The following CDC42EP3 variants were observed in gnomAD, a reference collection of about 807,000 sequenced individuals.
CDC42EP3 encodes CDC42 effector protein (Rho GTPase binding) 3.
In CDC42EP3, 4 loss-of-function variants were observed where a neutral mutation model predicts 15.5. The observed-to-expected ratio is 0.26, with a 90% confidence interval of 0.13 to 0.59. CDC42EP3 has a LOEUF of 0.59. Among genes scored for constraint, CDC42EP3 ranks in the 20% least tolerant of loss-of-function variants. CDC42EP3 has a pLI of 0.89. For synonymous variants in CDC42EP3, 145 were observed against 130.3 expected (o/e 1.11, Z -0.77); for missense variants, 309 against 311.2 (o/e 0.99, Z 0.05).
Position 37,664,050 on chromosome 2 carries a change from T to C in CDC42EP3, c.-236+7376A>G, listed in dbSNP as rs1374267934. On this transcript the variant is annotated intron_variant, in intron 1 of 1. Coordinates refer to ENST00000295324, the MANE Select transcript of CDC42EP3 (RefSeq NM_006449.5). ...TTAGCCGGTCGTTGTGGAGGGTGCCTGTAGTCCCAGCTACTTGGGAGGCTG... is the reference window on the plus strand; with the variant it reads ...TTAGCCGGTCGTTGTGGAGGGTGCCCGTAGTCCCAGCTACTTGGGAGGCTG... Among the ~76,000 whole-genome samples the C allele has an allele frequency of 2.0e-5, 3 of 152,270 alleles. No individual in the cohort carries two copies. In the East Asian group the frequency reaches 5.8e-4, roughly 29 times the overall value.
intron 1 of CDC42EP3, among the ~76,000 whole-genome samples, chr2:37,663,087 C>T (rs1228582632): frequency 6.6e-6 from 1 of 152,216 alleles, no homozygotes; most frequent in Non-Finnish European, 1.5e-5. Context: ...ATCTCTTGAA[C>T]CCGGGAGGCA....
intron 1 of CDC42EP3, among the ~76,000 whole-genome samples, chr2:37,665,398 T>C (rs1666219567): frequency 6.6e-6 from 1 of 152,142 alleles, no homozygotes; most frequent in South Asian, 2.1e-4. Context: ...GCCAAAGGCT[T>C]AGAGCCTCAT....
upstream of CDC42EP3, chr2:37,671,661 C>T (rs1666425865): frequency 6.6e-6 from 1 of 151,446 alleles, no homozygotes; most frequent in Non-Finnish European, 1.5e-5. Context: ...GGCGGCCGGA[C>T]GCGAGGACTG....
intron 1 of CDC42EP3, among the ~76,000 whole-genome samples, chr2:37,671,211 C>A (rs1040919862): frequency 1.3e-5 from 2 of 152,256 alleles, no homozygotes; most frequent in South Asian, 4.1e-4. Flanking sequence ...TGGTGGAGCT[C>A]TGAGTCCTGG....
At chr2:37,660,670 C>T (rs1666029750) in intron 1 of CDC42EP3, among the ~76,000 whole-genome samples, 1 of 151,840 alleles carries the variant, frequency 6.6e-6, no homozygotes, top group African/African-American at 2.4e-5. Flanking sequence ...TTTTAAGTTA[C>T]TTTGGTTTTA....
At chr2:37,669,730 T>C (rs1365983176) in intron 1 of CDC42EP3, among the ~76,000 whole-genome samples, 1 of 152,244 alleles carries the variant, frequency 6.6e-6, no homozygotes, top group Non-Finnish European at 1.5e-5. Context: ...ATTTCTCCTC[T>C]AAAGTTCTTA....
chr2:37,671,832 ACCGTTGGAC>A, upstream of CDC42EP3: 1 of 141,788 alleles, frequency 7.1e-6, no homozygotes, highest in South Asian at 2.1e-4. Flanking sequence ...GGGGGGGGTC[ACCGTTGGAC>A]CCTCGGAGGA....
intron 1 of CDC42EP3, among the ~76,000 whole-genome samples, chr2:37,654,251 G>A (rs1054952902): frequency 2.0e-5 from 3 of 152,104 alleles, no homozygotes; most frequent in African/African-American, 4.8e-5. Flanking sequence ...ATTTAGAAGG[G>A]ATAAAGGCTA....
At chr2:37,671,959 C>G (rs1666446762), upstream of CDC42EP3, 2 of 152,204 alleles carry the variant, frequency 1.3e-5, no homozygotes, top group Non-Finnish European at 1.5e-5. Flanking sequence ...TCGCCGGACG[C>G]TCGGTTTAAA....
chr2:37,657,003 C>T (rs1386395073), intron 1 of CDC42EP3, among the ~76,000 whole-genome samples: 10 of 124,962 alleles, frequency 8.0e-5, no homozygotes, highest in Admixed American at 6.5e-4. Context: ...CCCCGCCCCC[C>T]GCCATCCTCG....
chr2:37,647,253 C>CAGT (rs1665509149), intron 1 of CDC42EP3: 1 of 152,126 alleles, frequency 6.6e-6, no homozygotes, highest in African/African-American at 2.4e-5. Flanking sequence ...ATAAAATGAA[C>CAGT]AGTCCTAAAG....
Position 37,646,784 on chromosome 2 carries a change from C to CAGTT in CDC42EP3, c.-201_-198dup, listed in dbSNP as rs879217538. ...GGCCAAGTGAGGCTTCCTAGAGAGC[C>CAGTT]AGTTACATCATCCAGTCTTGACCAC... On this transcript the variant is annotated 5_prime_UTR_variant, in exon 2 of 2. Transcript: ENST00000295324. 5 of 542,914 alleles carry CAGTT rather than the reference C, an allele frequency of 9.2e-6. No homozygotes were observed. The South Asian group carries it at 1.0e-4, about 11-fold the overall frequency. The allele number at this position is 542,914 out of a possible 1,614,324, so 33.6% of individuals were successfully genotyped here. A position where few individuals can be genotyped will look rare whatever the true frequency, so the allele number is the denominator to read the frequency against.
At chr2:37,650,013 C>G (rs1346919696) in intron 1 of CDC42EP3, among the ~76,000 whole-genome samples, 1 of 151,702 alleles carries the variant, frequency 6.6e-6, no homozygotes, top group East Asian at 1.9e-4. Flanking sequence ...TGAATTGAAT[C>G]TGAATTGCCA....
intron 1 of CDC42EP3, among the ~76,000 whole-genome samples, chr2:37,651,381 T>TATA (rs1354485755): frequency 6.6e-6 from 1 of 152,244 alleles, no homozygotes; most frequent in Non-Finnish European, 1.5e-5. Flanking sequence ...GATTAGGCTT[T>TATA]CCTGGAGAGC....
chr2:37,652,114 G>T (rs1333234281), intron 1 of CDC42EP3, among the ~76,000 whole-genome samples: 1 of 131,644 alleles, frequency 7.6e-6, no homozygotes, highest in African/African-American at 2.9e-5. Flanking sequence ...GGCGGAGCTT[G>T]CAGTGAGCCA....
intron 1 of CDC42EP3, among the ~76,000 whole-genome samples, chr2:37,648,740 AG>A (rs1407998605): frequency 1.3e-5 from 2 of 152,242 alleles, no homozygotes; most frequent in Non-Finnish European, 2.9e-5. Flanking sequence ...TGGTAACAAA[AG>A]TTGAAGCCCA....
chr2:37,649,215 C>G (rs1558337349), intron 1 of CDC42EP3, among the ~76,000 whole-genome samples: 1 of 151,660 alleles, frequency 6.6e-6, no homozygotes, highest in Non-Finnish European at 1.5e-5. Context: ...ACTCAGGAGG[C>G]TGAAGCAGGA....
intron 1 of CDC42EP3, among the ~76,000 whole-genome samples, chr2:37,655,168 A>G (rs1665809379): frequency 6.6e-6 from 1 of 152,232 alleles, no homozygotes; most frequent in Admixed American, 6.5e-5. Flanking sequence ...CTGGCTCCCC[A>G]GCTGCTGAGC....
chr2:37,657,089 GCATGCGA>G (rs1157600059), intron 1 of CDC42EP3, among the ~76,000 whole-genome samples: 21 of 146,292 alleles, frequency 1.4e-4, no homozygotes. Flanking sequence ...GAAGCCCATT[GCATGCGA>G]CAGTGAACAA....
Sources: gnomAD v4.1 joint callset for allele counts (sites outside exome capture counted in the v4.1 genomes callset) on GRCh38, gnomAD v4.1.1 for gene constraint, MANE v1.5 for transcripts, NCBI Gene and HGNC (gene_info 2026-07-23, HGNC 2026-07-21) for gene names.